The following EFNB2 variants were observed in gnomAD, a reference collection of about 807,000 sequenced individuals.
The protein encoded by EFNB2 is ephrin B2.
Under a neutral mutation model 32.1 loss-of-function variants are expected in EFNB2, and 5 were observed. That is an observed-to-expected ratio of 0.16 (90% confidence interval 0.08 to 0.33). The LOEUF (loss-of-function observed/expected upper bound fraction) is 0.33. Among genes scored for constraint, EFNB2 ranks in the 10% least tolerant of loss-of-function variants. The pLI, the probability that EFNB2 is intolerant of heterozygous loss-of-function variation, is 1.00. For synonymous variants in EFNB2, 168 were observed against 166.5 expected (o/e 1.01, Z -0.07); for missense variants, 263 against 422.6 (o/e 0.62, Z 3.31).
chr13:106,534,994 C>T lies in EFNB2; in HGVS notation c.-30G>A, dbSNP rs1415496630. 4 of 1,611,256 alleles carry T rather than the reference C, an allele frequency of 2.5e-6. No individual in the cohort carries two copies. The highest frequency in any genetic ancestry group is 3.4e-6 in the Non-Finnish European group (4 of 1,178,654). ...AAGCCACTCCCAGCTCCGCGCACTC[C>T]GGGCCAAGAAGGGACTGACGGGACG... On this transcript the variant is annotated 5_prime_UTR_variant, in exon 1 of 5. Coordinates refer to ENST00000646441, the MANE Select transcript of EFNB2 (RefSeq NM_004093.4).
intron 1 of EFNB2, 85 bp downstream of exon 1, chr13:106,534,758 G>A (rs1880005484): frequency 6.9e-7 from 1 of 1,456,988 alleles, no homozygotes; most frequent in Non-Finnish European, 9.2e-7. Context: ...AGGCTCCGAG[G>A]CCCCGCGGAC....
Position 106,534,997 on chromosome 13 carries a change from G to A in EFNB2, c.-33C>T, listed in dbSNP as rs375733853. On this transcript the variant is annotated 5_prime_UTR_variant, in exon 1 of 5. Transcript: ENST00000646441. ...CCACTCCCAGCTCCGCGCACTCCGGGCCAAGAAGGGACTGACGGGACGCAG... is the reference window on the plus strand; with the variant it reads ...CCACTCCCAGCTCCGCGCACTCCGGACCAAGAAGGGACTGACGGGACGCAG... The A allele has an allele frequency of 4.7e-4, 753 of 1,610,980 alleles. 9 individuals are homozygous for A. The South Asian group carries it at 7.3e-3, about 16-fold the overall frequency.
intron 1 of EFNB2, among the ~76,000 whole-genome samples, chr13:106,525,537 C>T (rs570566208): frequency 6.6e-6 from 1 of 152,338 alleles, no homozygotes; most frequent in East Asian, 1.9e-4. Flanking sequence ...ACACACGCTG[C>T]CCTTGGCTGA....
rs927345225 is a variant in EFNB2, at chr13:106,534,828, G to T, written c.122+15C>A. On this transcript the variant is annotated intron_variant, in intron 1 of 4. Transcript: ENST00000646441. ...CCCGGGGCGGGGACATAGGGGGATC[G>T]CGGACGCCACTTACTTGGAGTTCGA... 1.2e-6 allele frequency: 2 copies of T among 1,607,434 alleles called. No homozygotes were observed. The highest frequency in any genetic ancestry group is 1.7e-6 in the Non-Finnish European group (2 of 1,176,948).
Position 106,522,347 on chromosome 13 carries a change from A to G in EFNB2, c.123-9535T>C, listed in dbSNP as rs1325982202. 3.3e-5 allele frequency among the ~76,000 whole-genome samples: 5 copies of G among 152,218 alleles called. No homozygotes were observed. In the East Asian group the frequency reaches 9.6e-4, roughly 29 times the overall value. On this transcript the variant is annotated intron_variant, in intron 1 of 4. Transcript: ENST00000646441. ...CTTGTTCCAAACCATGCTTTCAGCA[A>G]GAGTCTATAAAGGAAGGTGGAACTC...
At chr13:106,520,809 C>T (rs1879486987) in intron 1 of EFNB2, 1 of 152,140 alleles carries the variant, frequency 6.6e-6, no homozygotes, top group Non-Finnish European at 1.5e-5. Context: ...CCCTTTTGCA[C>T]TTTAACATCA....
intron 2 of EFNB2, among the ~76,000 whole-genome samples, chr13:106,498,646 C>CT (rs1878671700): frequency 6.6e-6 from 1 of 152,056 alleles, no homozygotes; most frequent in Non-Finnish European, 1.5e-5. Flanking sequence ...AGAGTGAAAA[C>CT]TTTTTTATTT....
At chr13:106,513,518 C>G (rs1418036668) in intron 1 of EFNB2, among the ~76,000 whole-genome samples, 1 of 151,706 alleles carries the variant, frequency 6.6e-6, no homozygotes, top group South Asian at 2.1e-4. Flanking sequence ...TTTTTTCTTC[C>G]CTTGAGATGT....
intron 2 of EFNB2, among the ~76,000 whole-genome samples, chr13:106,502,236 A>C (rs553778864): frequency 6.6e-6 from 1 of 152,328 alleles, no homozygotes; most frequent in South Asian, 2.1e-4. Flanking sequence ...TTCTGCACTA[A>C]ACAGAATAAT....
chr13:106,507,752 G>A (rs1879003134), intron 2 of EFNB2, among the ~76,000 whole-genome samples: 1 of 152,194 alleles, frequency 6.6e-6, no homozygotes, highest in East Asian at 1.9e-4. Context: ...AGTGAGGGAG[G>A]CCTCCAAGAG....
intron 2 of EFNB2, among the ~76,000 whole-genome samples, chr13:106,503,266 A>G (rs926663071): frequency 4.6e-5 from 7 of 152,184 alleles, no homozygotes; most frequent in African/African-American, 1.4e-4. Context: ...ATTTCAAAAT[A>G]AAAAACAAAA....
Position 106,493,112 on chromosome 13 carries a change from G to A in EFNB2, c.930C>T (p.Asp310=). Residue 310 remains aspartate, a synonymous_variant, in exon 5 of 5, where the codon GAC becomes GAT. Coordinates refer to ENST00000646441, the MANE Select transcript of EFNB2 (RefSeq NM_004093.4). The surrounding 1 kb of genome is among the most constrained non-coding windows in gnomAD (Gnocchi z 6.1). ...GGACGATGTACACCGGGTGCCCGTAGTCCCCGCTGACCTTCTCGTAGTGAG... is the reference window on the plus strand; with the variant it reads ...GGACGATGTACACCGGGTGCCCGTAATCCCCGCTGACCTTCTCGTAGTGAG... ...FCPHYEKVSG[D]YGHPVYIVQE... The A allele has an allele frequency of 6.2e-7, 1 of 1,614,020 alleles. No homozygotes were observed. Among genetic ancestry groups the A allele is most frequent in the Non-Finnish European group, 8.5e-7 (1 of 1,180,040 alleles).
At chr13:106,520,178 A>C (rs1879454479) in intron 1 of EFNB2, 1 of 152,250 alleles carries the variant, frequency 6.6e-6, no homozygotes, top group African/African-American at 2.4e-5. Context: ...TTCCCAAGCC[A>C]GTGTTCTGTA....
chr13:106,508,686 C>A (rs574257765), intron 2 of EFNB2, among the ~76,000 whole-genome samples: 208 of 152,286 alleles, frequency 1.4e-3, no homozygotes, highest in Non-Finnish European at 2.2e-3. Context: ...ATTTAATACT[C>A]CAATAAACCC....
intron 1 of EFNB2, among the ~76,000 whole-genome samples, chr13:106,525,179 T>C (rs1879656970): frequency 6.6e-6 from 1 of 152,178 alleles, no homozygotes; most frequent in South Asian, 2.1e-4. Flanking sequence ...TCAGCACTAT[T>C]ATGTTATTGT....
chr13:106,495,492 T>G (rs112814002), intron 3 of EFNB2, among the ~76,000 whole-genome samples: 2,118 of 139,660 alleles, frequency 0.015, 16 homozygotes, highest in African/African-American at 0.029. Context: ...TCTATCTATC[T>G]ATCTATTATC....
rs1878458556 is a variant in EFNB2, at chr13:106,492,912, A to G, written c.*128T>C. On this transcript the variant is annotated 3_prime_UTR_variant, in exon 5 of 5. Transcript: ENST00000646441. This position sits in a 1 kb window ranked among gnomAD's most constrained non-coding sequence, Gnocchi z 5.1. ...TCCAGCGCGACGGGCTCTTCCGAGG[A>G]GGAGTGTCCCTCTCCCCCGGTGCTG... 3.2e-6 allele frequency: 4 copies of G among 1,269,420 alleles called. No individual in the cohort carries two copies. The South Asian group carries it at 4.3e-5, about 14-fold the overall frequency. 78.6% of individuals were successfully genotyped at this position (1,269,420 alleles called of 1,614,324 possible). A position where few individuals can be genotyped will look rare whatever the true frequency, so the allele number is the denominator to read the frequency against.
intron 1 of EFNB2, among the ~76,000 whole-genome samples, chr13:106,523,643 A>C (rs9520093): frequency 0.53 from 79,936 of 151,894 alleles, 21,554 homozygotes; most frequent in East Asian, 0.74. Context: ...GAACCCCAGG[A>C]CCACCAATAT....
intron 2 of EFNB2, among the ~76,000 whole-genome samples, 166 bp downstream of exon 2, chr13:106,512,363 T>G (rs1879167808): frequency 8.0e-6 from 1 of 125,264 alleles, no homozygotes; most frequent in Admixed American, 8.6e-5. Context: ...GGGTCCCAAA[T>G]TCAATGAAGT....
Sources: allele counts gnomAD v4.1 joint callset (sites outside exome capture counted in the v4.1 genomes callset), GRCh38; gene constraint gnomAD v4.1.1; non-coding constraint Gnocchi (gnomAD v3.1); transcripts MANE v1.5; gene names NCBI Gene and HGNC (gene_info 2026-07-23, HGNC 2026-07-21).